Variants in FGD4 observed in about 807,000 individuals in gnomAD.
FGD4 encodes the protein FYVE, RhoGEF and PH domain containing 4, also known as FYVE, RhoGEF and PH domain-containing protein 4.
In FGD4, 42 loss-of-function variants were observed where a neutral mutation model predicts 102.0. That is an observed-to-expected ratio of 0.41 (90% CI 0.32 to 0.53). The LOEUF is 0.53. Ranked by LOEUF, FGD4 falls within the 20% of genes least tolerant of loss-of-function variation. The pLI is 0.21. For synonymous variants in FGD4, 380 were observed against 375.7 expected (o/e 1.01, Z -0.13); for missense variants, 902 against 1,078.2 (o/e 0.84, Z 2.29).
chr12:32,609,116 A>T (rs1948977597), intron 8 of FGD4, among the ~76,000 whole-genome samples: 1 of 152,130 alleles, frequency 6.6e-6, no homozygotes, highest in South Asian at 2.1e-4. Context: ...CACCCACCTC[A>T]GCTTCCCAAA....
intron 1 of FGD4, among the ~76,000 whole-genome samples, chr12:32,406,338 G>A (rs1457558656): frequency 6.6e-6 from 1 of 151,878 alleles, no homozygotes; most frequent in African/African-American, 2.4e-5. Context: ...CGGATCACTT[G>A]AGGTCAGGAG....
At chr12:32,501,775 T>A (rs1938236836) in intron 1 of FGD4, among the ~76,000 whole-genome samples, 1 of 152,254 alleles carries the variant, frequency 6.6e-6, no homozygotes, top group Non-Finnish European at 1.5e-5. Context: ...TGATGAAGCT[T>A]AGATTTCTAG....
intron 11 of FGD4, among the ~76,000 whole-genome samples, chr12:32,621,200 C>CG (rs1949823057): frequency 6.6e-6 from 1 of 151,934 alleles, no homozygotes; most frequent in Non-Finnish European, 1.5e-5. Flanking sequence ...CATGGCAAAA[C>CG]CCCCGTCTTT....
At chr12:32,519,195 A>G (rs1435338881) in intron 1 of FGD4, among the ~76,000 whole-genome samples, 1 of 151,870 alleles carries the variant, frequency 6.6e-6, no homozygotes, top group Non-Finnish European at 1.5e-5. Flanking sequence ...TTTCATGTGA[A>G]GACAAGTGTC....
At chr12:32,613,359 T>C (rs945994335) in intron 10 of FGD4, among the ~76,000 whole-genome samples, 1 of 152,208 alleles carries the variant, frequency 6.6e-6, no homozygotes, top group African/African-American at 2.4e-5. Context: ...GAAAAAACTA[T>C]GCGTAGATTT....
rs907664337 is a variant in FGD4, at chr12:32,399,808, C to T, written c.15C>T (p.Gly5=). ...AGCCCGGCAGGATGAGCGACGAGGG[C>T]GGCTCCAACTTCAGGCGGGTGGCGA... MSDE[G]GSNFRRVAIR... is the part of the protein sequence containing the mutation. The change falls in exon 1 of 17, where the codon GGC becomes GGT. Residue 5 remains glycine, a synonymous_variant. Coordinates refer to ENST00000534526, the MANE Select transcript of FGD4 (RefSeq NM_001370298.3). 12 of 1,530,892 alleles carry T rather than the reference C, an allele frequency of 7.8e-6. No individual in the cohort carries two copies. Among genetic ancestry groups the T allele is most frequent in the Middle Eastern group, 2.0e-4 (1 of 4,978 alleles). 94.8% of individuals were successfully genotyped at this position (1,530,892 alleles called of 1,614,324 possible).
chr12:32,571,845 C>T (rs565537443), intron 2 of FGD4, among the ~76,000 whole-genome samples: 1 of 152,158 alleles, frequency 6.6e-6, no homozygotes, highest in South Asian at 2.1e-4. Context: ...ATCTAGGCTG[C>T]ATAGGGGGTG....
intron 1 of FGD4, among the ~76,000 whole-genome samples, chr12:32,550,692 GAAAGAGACAAAA>G (rs1231930827): frequency 1.8e-5 from 2 of 113,424 alleles, no homozygotes; most frequent in East Asian, 5.5e-4. Flanking sequence ...AAAAAAAAAA[GAAAGAGACAAAA>G]AGTTCATTAG....
Position 32,598,601 on chromosome 12 carries a change from C to A in FGD4, c.1101+15C>A, listed in dbSNP as rs765678800. The A allele has an allele frequency of 5.6e-6, 9 of 1,596,336 alleles. No homozygotes were observed. Among genetic ancestry groups the A allele is most frequent in the Non-Finnish European group, 7.7e-6 (9 of 1,164,176 alleles). Reference sequence around the variant, plus strand: ...TCTTAGATCAGGTAAGATTTTCTTTCTCAGAATTATTTTATATTTTGGCAT... The same window carrying A: ...TCTTAGATCAGGTAAGATTTTCTTTATCAGAATTATTTTATATTTTGGCAT... On this transcript the variant is annotated intron_variant, in intron 5 of 16. Transcript: ENST00000534526.
rs780608245 is a variant in FGD4 at position 32,482,722 on chromosome 12, G to T, written c.167-81415G>T. Among the ~76,000 whole-genome samples the T allele has an allele frequency of 5.3e-5, 8 of 152,262 alleles. No individual in the cohort carries two copies. In the South Asian group the frequency reaches 1.4e-3, roughly 28 times the overall value. ...ATAAAAATTTTTAAGTTTTGAGTTTGGGGGGAGAATACAAGAAAACGAAGA... is the reference window on the plus strand; with the variant it reads ...ATAAAAATTTTTAAGTTTTGAGTTTTGGGGGAGAATACAAGAAAACGAAGA... On this transcript the variant is annotated intron_variant, in intron 1 of 16. Transcript: ENST00000534526.
At chr12:32,536,744 A>G (rs1942297054) in intron 1 of FGD4, among the ~76,000 whole-genome samples, 1 of 152,204 alleles carries the variant, frequency 6.6e-6, no homozygotes, top group South Asian at 2.1e-4. Context: ...GTCATTCTAC[A>G]TGGTGGTTAT....
At chr12:32,554,521 G>A (rs1383663254) in intron 1 of FGD4, among the ~76,000 whole-genome samples, 1 of 152,150 alleles carries the variant, frequency 6.6e-6, no homozygotes, top group Non-Finnish European at 1.5e-5. Flanking sequence ...GTATTCCTGG[G>A]ATTTGTCAGG....
At chr12:32,618,972 A>G (rs1949623323) in intron 10 of FGD4, among the ~76,000 whole-genome samples, 1 of 152,200 alleles carries the variant, frequency 6.6e-6, no homozygotes, top group East Asian at 1.9e-4. Flanking sequence ...ATTGCTAAAT[A>G]TTACTGTCTT....
intron 1 of FGD4, among the ~76,000 whole-genome samples, chr12:32,539,248 T>C (rs1942586030): frequency 6.6e-6 from 1 of 152,054 alleles, no homozygotes; most frequent in African/African-American, 2.4e-5. Flanking sequence ...TCCTTAGTAG[T>C]TCCTGTAAGG....
At chr12:32,466,017 A>G (rs1026023798) in intron 1 of FGD4, among the ~76,000 whole-genome samples, 6 of 152,092 alleles carry the variant, frequency 3.9e-5, no homozygotes, top group African/African-American at 1.2e-4. Context: ...GCCTCAAGCA[A>G]TCCTCCCACC....
At chr12:32,461,235 A>G (rs779880565) in intron 1 of FGD4, among the ~76,000 whole-genome samples, 2 of 152,196 alleles carry the variant, frequency 1.3e-5, no homozygotes, top group Non-Finnish European at 2.9e-5. Flanking sequence ...AACCATAATA[A>G]CTATTTAAGC....
chr12:32,482,234 T>G (rs1434715483), intron 1 of FGD4, among the ~76,000 whole-genome samples: 1 of 152,262 alleles, frequency 6.6e-6, no homozygotes, highest in Non-Finnish European at 1.5e-5. Context: ...GCCAAAGCAG[T>G]TGCTGTCTTT....
intron 1 of FGD4, among the ~76,000 whole-genome samples, chr12:32,559,643 C>T (rs17538469): frequency 6.6e-6 from 1 of 152,186 alleles, no homozygotes; most frequent in South Asian, 2.1e-4. Flanking sequence ...TCTTATTGCA[C>T]GCATTTTGGC....
At chr12:32,520,540 A>G (rs1940429093) in intron 1 of FGD4, among the ~76,000 whole-genome samples, 3 of 150,188 alleles carry the variant, frequency 2.0e-5, no homozygotes, top group African/African-American at 7.3e-5. Context: ...GTTTCACGCC[A>G]TTCTCCTCCC....
Sources: allele counts gnomAD v4.1 joint callset (sites outside exome capture counted in the v4.1 genomes callset), GRCh38; gene constraint gnomAD v4.1.1; transcripts MANE v1.5; gene names NCBI Gene and HGNC (gene_info 2026-07-23, HGNC 2026-07-21).